Variants in SCFD2 observed in about 807,000 individuals in gnomAD.
SCFD2 encodes the protein sec1 family domain-containing protein 2.
SCFD2 carries 54 observed loss-of-function variants against 58.9 expected under a neutral mutation model. The observed-to-expected ratio is 0.92, with a 90% CI of 0.74 to 1.15. SCFD2 has a LOEUF of 1.15. SCFD2 is among the 50% of genes most tolerant of loss of function. SCFD2 has a pLI of 0.00. For missense variants in SCFD2, 805 were observed against 836.6 expected, an observed-to-expected ratio of 0.96 and a Z score of 0.47; for synonymous variants, 321 against 335.9, an observed-to-expected ratio of 0.96 and a Z score of 0.49.
At chr4:53,269,509 A>G (rs936994198) in intron 4 of SCFD2, among the ~76,000 whole-genome samples, 4 of 152,210 alleles carry the variant, frequency 2.6e-5, no homozygotes, top group African/African-American at 9.6e-5. Context: ...AGAATTGAAG[A>G]AATTATAGTT....
chr4:52,941,687 T>C, intron 5 of SCFD2, among the ~76,000 whole-genome samples: 1 of 152,216 alleles, frequency 6.6e-6, no homozygotes, highest in East Asian at 1.9e-4. Flanking sequence ...ACTGCCTAGC[T>C]TAAACAGAGG....
intron 4 of SCFD2, among the ~76,000 whole-genome samples, chr4:53,253,710 A>G (rs189694535): frequency 0.019 from 2,353 of 126,480 alleles, 76 homozygotes; most frequent in African/African-American, 0.068. Context: ...GGACACCAGA[A>G]GGGGAACATC....
At chr4:53,107,690 T>C (rs1349248349) in intron 5 of SCFD2, among the ~76,000 whole-genome samples, 1 of 152,170 alleles carries the variant, frequency 6.6e-6, no homozygotes, top group African/African-American at 2.4e-5. Flanking sequence ...CCTAAATATA[T>C]ATGCACCCAA....
rs530624426 is a variant in SCFD2 at position 53,234,771 on chromosome 4, C to T, written c.1311+39055G>A. On this transcript the variant is annotated intron_variant, in intron 4 of 8. Transcript: ENST00000401642. Reference sequence around the variant, plus strand: ...GCAGGTCATAAAATGATCAGAATTACAAGGCTCACAGCACGAACTCCTGTG... The same window carrying T: ...GCAGGTCATAAAATGATCAGAATTATAAGGCTCACAGCACGAACTCCTGTG... 3.9e-5 allele frequency among the ~76,000 whole-genome samples: 6 copies of T among 152,242 alleles called. No homozygotes were observed. The South Asian group carries it at 1.2e-3, about 32-fold the overall frequency.
At chr4:53,046,815 G>A (rs960049333) in intron 5 of SCFD2, among the ~76,000 whole-genome samples, 9 of 151,964 alleles carry the variant, frequency 5.9e-5, no homozygotes, top group African/African-American at 2.2e-4. Context: ...TTACAGGCAC[G>A]CGCCACCACA....
At chr4:53,250,063 A>G (rs1365691417) in intron 4 of SCFD2, among the ~76,000 whole-genome samples, 8 of 152,122 alleles carry the variant, frequency 5.3e-5, no homozygotes, top group Admixed American at 6.5e-5. Flanking sequence ...CCCATCTCAC[A>G]TGCAGAGACA....
chr4:53,278,151 G>C (rs965449119), intron 3 of SCFD2, among the ~76,000 whole-genome samples: 4 of 151,970 alleles, frequency 2.6e-5, no homozygotes, highest in African/African-American at 9.7e-5. Context: ...TGGATCACTC[G>C]AGGTCCAGGG....
intron 5 of SCFD2, among the ~76,000 whole-genome samples, chr4:53,029,210 T>C (rs1722555149): frequency 6.6e-6 from 1 of 152,112 alleles, no homozygotes; most frequent in South Asian, 2.1e-4. Context: ...GAAAAGTTTA[T>C]GCCAATCTTC....
At chr4:53,258,570 A>G (rs1730729185) in intron 4 of SCFD2, among the ~76,000 whole-genome samples, 2 of 142,200 alleles carry the variant, frequency 1.4e-5, no homozygotes, top group Admixed American at 7.0e-5. Flanking sequence ...ATATATATAT[A>G]TATATATACA....
intron 4 of SCFD2, among the ~76,000 whole-genome samples, chr4:53,269,846 G>A (rs1186760530): frequency 6.6e-6 from 1 of 152,138 alleles, no homozygotes; most frequent in South Asian, 2.1e-4. Flanking sequence ...CCAACATGGC[G>A]AAATCCTATC....
chr4:53,216,228 C>T (rs1447651273), intron 4 of SCFD2, among the ~76,000 whole-genome samples: 3 of 152,180 alleles, frequency 2.0e-5, no homozygotes, highest in Admixed American at 2.0e-4. Flanking sequence ...ATGGTACCAG[C>T]TCCTCCTTGT....
At chr4:53,181,739 T>A (rs1051236618) in intron 4 of SCFD2, among the ~76,000 whole-genome samples, 1 of 152,212 alleles carries the variant, frequency 6.6e-6, no homozygotes, top group Non-Finnish European at 1.5e-5. Flanking sequence ...GATGACATGA[T>A]TGAATATCTA....
chr4:53,318,371 A>G (rs1732925585), intron 2 of SCFD2, among the ~76,000 whole-genome samples: 1 of 152,104 alleles, frequency 6.6e-6, no homozygotes, highest in African/African-American at 2.4e-5. Context: ...TCTATATTCT[A>G]TTTCCAGACT....
At chr4:52,969,788 C>T (rs1721051085) in intron 5 of SCFD2, among the ~76,000 whole-genome samples, 1 of 152,002 alleles carries the variant, frequency 6.6e-6, no homozygotes, top group Non-Finnish European at 1.5e-5. Context: ...GTGTTTAGCC[C>T]CTGAGATTTG....
chr4:53,247,025 C>T (rs982949294), intron 4 of SCFD2, among the ~76,000 whole-genome samples: 1 of 144,324 alleles, frequency 6.9e-6, no homozygotes, highest in Non-Finnish European at 1.5e-5. Context: ...CCAAACAACA[C>T]CATTAAAAAT....
intron 3 of SCFD2, among the ~76,000 whole-genome samples, chr4:53,290,699 G>A (rs1731812051): frequency 6.6e-6 from 1 of 151,638 alleles, no homozygotes; most frequent in Non-Finnish European, 1.5e-5. Flanking sequence ...GTTGACAAAT[G>A]CCTAGCTAGA....
chr4:53,004,293 G>A (rs1324406620), intron 5 of SCFD2, among the ~76,000 whole-genome samples: 4 of 152,132 alleles, frequency 2.6e-5, no homozygotes, highest in East Asian at 1.9e-4. Context: ...GGAAAGGAAC[G>A]TAAATGTGGG....
intron 5 of SCFD2, among the ~76,000 whole-genome samples, chr4:53,104,374 A>G (rs772657446): frequency 3.3e-5 from 5 of 152,206 alleles, no homozygotes; most frequent in Non-Finnish European, 5.9e-5. Flanking sequence ...AGAGCATACA[A>G]AATGCTAAAT....
intron 5 of SCFD2, among the ~76,000 whole-genome samples, chr4:53,061,837 TC>T (rs1258250333): frequency 2.0e-5 from 3 of 151,930 alleles, no homozygotes; most frequent in Admixed American, 2.0e-4. Context: ...CCTTAATCAG[TC>T]CTCCTTCAGC....
Sources: allele counts gnomAD v4.1 joint callset (sites outside exome capture counted in the v4.1 genomes callset), GRCh38; gene constraint gnomAD v4.1.1; transcripts MANE v1.5; gene names NCBI Gene and HGNC (gene_info 2026-07-23, HGNC 2026-07-21).